Variants in TFCP2 observed in about 807,000 individuals in gnomAD.
The protein encoded by TFCP2 is transcription factor CP2, also known as alpha-globin transcription factor CP2.
TFCP2 carries 33 observed loss-of-function variants against 73.4 expected under a neutral mutation model. The ratio of observed to expected loss-of-function variants is 0.45; its 90% CI spans 0.34 to 0.60. The LOEUF is 0.60. TFCP2 is among the 20% of genes least tolerant of loss of function. The pLI is 0.01. For missense variants in TFCP2, 352 were observed against 604.0 expected, an observed-to-expected ratio of 0.58 and a Z score of 4.37; for synonymous variants, 193 against 211.6, an observed-to-expected ratio of 0.91 and a Z score of 0.76.
In TFCP2 at chr12:51,110,948, C is replaced by A; in HGVS notation, c.493G>T (p.Ala165Ser). ...ACTGTATTTAGTTGAGTTGGATTAG[C>A]CCTAGGATCGATTATACCCACAGAC... ...PMSVGIIDPRANPTQLNTVEF... is the reference protein window; with the variant it reads ...PMSVGIIDPRSNPTQLNTVEF... Residue 165 changes from alanine to serine, a missense_variant, in exon 5 of 15, where the codon GCT (alanine) becomes TCT (serine). By Grantham distance (99) the Ala-to-Ser change is moderately conservative. Transcript: ENST00000257915. 6.2e-7 allele frequency: 1 copy of A among 1,613,896 alleles called. No homozygotes were observed. Among genetic ancestry groups the A allele is most frequent in the Non-Finnish European group, 8.5e-7 (1 of 1,179,918 alleles).
intron 13 of TFCP2, among the ~76,000 whole-genome samples, chr12:51,096,952 A>AT (rs11448153): frequency 0.62 from 92,446 of 149,454 alleles, 29,135 homozygotes; most frequent in Admixed American, 0.68. Context: ...ACCTGTAATA[A>AT]TTTTTTCTTA....
chr12:51,163,619 A>G (rs191496856), intron 1 of TFCP2, among the ~76,000 whole-genome samples: 2 of 151,578 alleles, frequency 1.3e-5, no homozygotes, highest in Admixed American at 1.3e-4. Flanking sequence ...AATAATAACA[A>G]TAATAAAATA....
At chr12:51,121,046 AG>A (rs59085172) in intron 1 of TFCP2, among the ~76,000 whole-genome samples, 21,463 of 151,474 alleles carry the variant, frequency 0.14, 1,916 homozygotes, top group East Asian at 0.49. Flanking sequence ...TTTTTAAAAA[AG>A]AAAAAATATA....
chr12:51,145,157 C>T (rs1340804101), intron 1 of TFCP2, among the ~76,000 whole-genome samples: 3 of 145,884 alleles, frequency 2.1e-5, no homozygotes, highest in African/African-American at 7.7e-5. Flanking sequence ...GCCGAGATCA[C>T]ATCACTGCAC....
At chr12:51,168,734 T>C (rs1272500494) in intron 1 of TFCP2, among the ~76,000 whole-genome samples, 1 of 152,154 alleles carries the variant, frequency 6.6e-6, no homozygotes, top group African/African-American at 2.4e-5. Context: ...TCCTCCCACC[T>C]TGGCCTCCCA....
intron 8 of TFCP2, among the ~76,000 whole-genome samples, chr12:51,104,991 C>A (rs1030981767): frequency 6.6e-6 from 1 of 151,724 alleles, no homozygotes; most frequent in Non-Finnish European, 1.5e-5. Context: ...GGATTACAGG[C>A]GTGAGCCACC....
Position 51,172,484 on chromosome 12 carries a change from T to C in TFCP2, c.-62A>G. On this transcript the variant is annotated 5_prime_UTR_variant, in exon 1 of 15. Coordinates refer to ENST00000257915, the MANE Select transcript of TFCP2 (RefSeq NM_005653.5). The stretch of plus-strand genomic sequence containing the variant: ...TGTACAAAGGCGCGGAGGGTAATTC[T>C]ACCCAACAGGAGTAACGCAAACCAA... 1 of 1,605,606 alleles carries C rather than the reference T, an allele frequency of 6.2e-7. No homozygotes were observed.
intron 1 of TFCP2, among the ~76,000 whole-genome samples, chr12:51,159,110 C>T (rs563267962): frequency 1.2e-4 from 17 of 144,594 alleles, no homozygotes; most frequent in African/African-American, 4.3e-4. Context: ...ACTCAGGAGG[C>T]GGAGGTTGCA....
intron 5 of TFCP2, 127 bp downstream of exon 5, chr12:51,110,750 C>G (rs1352411026): frequency 4.5e-6 from 3 of 667,736 alleles, no homozygotes; most frequent in African/African-American, 1.8e-5. Flanking sequence ...GGTTAAAGAG[C>G]CTGGGCTTGA....
chr12:51,095,370 G>A, intron 14 of TFCP2, 92 bp from the exon 15 acceptor site: 1 of 1,361,716 alleles, frequency 7.3e-7, no homozygotes, highest in Non-Finnish European at 1.0e-6. Flanking sequence ...CGTGAGAAGG[G>A]GAGAAAAGGG....
rs1939921604 is a variant in TFCP2, at chr12:51,095,085, GGC to G, written c.*154_*155del. On this transcript the variant is annotated 3_prime_UTR_variant, in exon 15 of 15. Coordinates refer to ENST00000257915, the MANE Select transcript of TFCP2 (RefSeq NM_005653.5). ...CACAAGAGCTTGGGCCAACACAGAG[GGC>G]CAGGATTCTGCCTCCATGGCCTGGA... The G allele has an allele frequency of 1.3e-6, 1 of 793,968 alleles. No individual in the cohort carries two copies. Among genetic ancestry groups the G allele is most frequent in the African/African-American group, 1.7e-5 (1 of 58,842 alleles). The allele number at this position is 793,968 out of a possible 1,614,324, so 49.2% of individuals were successfully genotyped here. A position where few individuals can be genotyped will look rare whatever the true frequency, so the allele number is the denominator to read the frequency against.
chr12:51,155,487 T>C (rs937910912), intron 1 of TFCP2, among the ~76,000 whole-genome samples: 1 of 152,214 alleles, frequency 6.6e-6, no homozygotes, highest in African/African-American at 2.4e-5. Flanking sequence ...GGCTATGCCA[T>C]TTGACACGAC....
chr12:51,109,264 T>C lies in TFCP2; in HGVS notation c.574A>G (p.Ile192Val). ...TTCCTCATAGTGAACTCTGTGCTAA[T>C]ACAGTGCACCTGAAAAGAATACAAC... ...RTSVFIQVHC[I>V]STEFTMRKHG... The change falls in exon 6 of 15, where the codon ATT becomes GTT. Residue 192 changes from isoleucine to valine, a missense_variant. Around this residue, in one of 6 missense-constraint regions of TFCP2, gnomAD observed 4 missense variants for 35.6 expected, o/e 0.11. Transcript: ENST00000257915. 1 of 1,614,172 alleles carries C rather than the reference T, an allele frequency of 6.2e-7. No homozygotes were observed. Among genetic ancestry groups the C allele is most frequent in the Non-Finnish European group, 8.5e-7 (1 of 1,180,040 alleles).
chr12:51,158,488 TTTTG>T (rs1941583574), intron 1 of TFCP2, among the ~76,000 whole-genome samples: 2 of 152,088 alleles, frequency 1.3e-5, no homozygotes, highest in South Asian at 4.1e-4. Context: ...GTATCTGTTT[TTTTG>T]TTTGTTTGTT....
intron 1 of TFCP2, among the ~76,000 whole-genome samples, chr12:51,161,242 G>A (rs1033389088): frequency 6.6e-6 from 1 of 152,032 alleles, no homozygotes; most frequent in Non-Finnish European, 1.5e-5. Context: ...TGCAGCTTTC[G>A]TAAGTAACAA....
At chr12:51,125,072 A>C (rs1267867660) in intron 1 of TFCP2, 1 of 755,026 alleles carries the variant, frequency 1.3e-6, no homozygotes. Context: ...CAGGCTCATC[A>C]TAGTCCTCTC....
rs1324813156 is a variant in TFCP2, at chr12:51,172,470, G to A, written c.-48C>T. 6.2e-7 allele frequency: 1 copy of A among 1,609,860 alleles called. No homozygotes were observed. Among genetic ancestry groups the A allele is most frequent in the African/African-American group, 1.3e-5 (1 of 74,708 alleles). On this transcript the variant is annotated 5_prime_UTR_variant, in exon 1 of 15. Coordinates refer to ENST00000257915, the MANE Select transcript of TFCP2 (RefSeq NM_005653.5). ...GAGACACCGTGTCTTGTACAAAGGC[G>A]CGGAGGGTAATTCTACCCAACAGGA...
intron 3 of TFCP2, among the ~76,000 whole-genome samples, chr12:51,117,419 G>A (rs1368857614): frequency 6.6e-6 from 1 of 152,104 alleles, no homozygotes; most frequent in African/African-American, 2.4e-5. Flanking sequence ...ACTGAGCCAG[G>A]GGTGATTACC....
chr12:51,095,533 G>A (rs1217235706), intron 14 of TFCP2, among the ~76,000 whole-genome samples: 1 of 152,044 alleles, frequency 6.6e-6, no homozygotes, highest in Non-Finnish European at 1.5e-5. Flanking sequence ...CAAAAAGCTG[G>A]GCCAGGCACA....
Sources: gnomAD v4.1 joint callset for allele counts (sites outside exome capture counted in the v4.1 genomes callset) on GRCh38, gnomAD v4.1.1 for gene constraint, gnomAD v4.1.1 regional missense constraint, MANE v1.5 for transcripts, NCBI Gene and HGNC (gene_info 2026-07-23, HGNC 2026-07-21) for gene names.